Variants in GALNT9 observed in about 807,000 individuals in gnomAD.
GALNT9 encodes the protein GalNAc transferase 9.
GALNT9 carries 47 observed loss-of-function variants against 63.1 expected under a neutral mutation model. The ratio of observed to expected loss-of-function variants is 0.75; its 90% CI spans 0.59 to 0.95. The LOEUF is 0.95. Ranked by LOEUF, GALNT9 falls within the 40% of genes least tolerant of loss-of-function variation. The probability of loss-of-function intolerance (pLI) is 0.00; values close to 1 mark genes in which losing one functional copy is unlikely to be tolerated. For missense variants in GALNT9, 829 were observed against 874.8 expected (o/e 0.95, Z 0.66); for synonymous variants, 396 against 365.7 (o/e 1.08, Z -0.94).
At chr12:132,204,383 C>G (rs532933368) in intron 6 of GALNT9, among the ~76,000 whole-genome samples, 1 of 152,236 alleles carries the variant, frequency 6.6e-6, no homozygotes, top group East Asian at 1.9e-4. Flanking sequence ...GAACAGGGTG[C>G]TGGGACGTTT....
At chr12:132,237,876 G>T (rs1484791414) in intron 6 of GALNT9, among the ~76,000 whole-genome samples, 1 of 152,186 alleles carries the variant, frequency 6.6e-6, no homozygotes, top group Non-Finnish European at 1.5e-5. Flanking sequence ...TCCATCTGTG[G>T]CATGTGACCC....
At chr12:132,240,764 T>C (rs2136899436) in intron 6 of GALNT9, 1 of 455,322 alleles carries the variant, frequency 2.2e-6, no homozygotes, top group Admixed American at 2.4e-5. Flanking sequence ...CCAGCAGAAT[T>C]GGAATGTGCA....
rs1555243214 is a variant in GALNT9 at position 132,296,088 on chromosome 12, C to CG, written c.239-9659dup. Among the ~76,000 whole-genome samples, 4 of 143,636 alleles carry CG rather than the reference C, an allele frequency of 2.8e-5. No individual in the cohort carries two copies. The highest frequency in any genetic ancestry group is 5.3e-5 in the African/African-American group (2 of 38,008). The allele number at this position is 143,636 out of a possible 152,430, so 94.2% of individuals were successfully genotyped here. A position where few individuals can be genotyped will look rare whatever the true frequency, so the allele number is the denominator to read the frequency against. ...GAGGCTCCGGAACAGGGAGAGCCTC[C>CG]GAACAGGGAGAGCCTCCGAACAGGG... On this transcript the variant is annotated intron_variant, in intron 1 of 10. Coordinates refer to ENST00000328957, the MANE Select transcript of GALNT9 (RefSeq NM_001122636.2). The surrounding 1 kb of genome is among the most constrained non-coding windows in gnomAD (Gnocchi z 4.2).
intron 1 of GALNT9, 91 bp downstream of exon 1, chr12:132,328,875 G>A (rs2135596493): frequency 1.5e-6 from 2 of 1,356,478 alleles, no homozygotes; most frequent in East Asian, 2.8e-5. Context: ...GCAGAGGGGC[G>A]CGCACCCGAG....
rs751688056 is a variant in GALNT9 at position 132,197,097 on chromosome 12, G to A, written c.*10C>T. 24 of 1,613,510 alleles carry A rather than the reference G, an allele frequency of 1.5e-5. No homozygotes were observed. The highest frequency in any genetic ancestry group is 1.7e-4 in the Middle Eastern group (1 of 6,040). On this transcript the variant is annotated 3_prime_UTR_variant, in exon 11 of 11. Transcript: ENST00000328957. The stretch of plus-strand genomic sequence containing the variant: ...TCCCGAGGTCTGTGGGGGTCCGGGC[G>A]GAGGTGGGGTCAGTGCCGTGCGTGT...
chr12:132,262,729 G>A (rs548796182), intron 2 of GALNT9, 104 bp from the exon 3 acceptor site: 2 of 1,449,100 alleles, frequency 1.4e-6, no homozygotes, highest in Non-Finnish European at 1.8e-6. Flanking sequence ...TTGGGGTGCG[G>A]TCAGGGCGCA....
In GALNT9 at chr12:132,316,234, GC is replaced by G. The variant is rs781971258; in HGVS notation, c.238+12731del. Among the ~76,000 whole-genome samples the G allele has an allele frequency of 1.1e-4, 17 of 151,990 alleles. No individual in the cohort carries two copies. Among genetic ancestry groups the G allele is most frequent in the Non-Finnish European group, 1.9e-4 (13 of 68,006 alleles). ...TGAAGCTGGATCACAGTCAGTGCCT[GC>G]CCCGGGCCCCGACCTGCAAAGGGGG... is the stretch of plus-strand genomic sequence containing the variant. On this transcript the variant is annotated intron_variant, in intron 1 of 10. Transcript: ENST00000328957. This position sits in a 1 kb window ranked among gnomAD's most constrained non-coding sequence, Gnocchi z 4.3.
intron 1 of GALNT9, among the ~76,000 whole-genome samples, chr12:132,307,055 C>T (rs1376134936): frequency 6.6e-6 from 1 of 151,954 alleles, no homozygotes; most frequent in Non-Finnish European, 1.5e-5. Context: ...GTGCCCGCTT[C>T]CCAGCCACCT....
intron 6 of GALNT9, among the ~76,000 whole-genome samples, chr12:132,215,672 C>A (rs903506737): frequency 2.6e-5 from 4 of 152,236 alleles, no homozygotes; most frequent in African/African-American, 9.6e-5. Flanking sequence ...ACATGCCAAC[C>A]AGCACCCGGG....
At chr12:132,240,993 T>C (rs1878292862) in intron 6 of GALNT9, among the ~76,000 whole-genome samples, 1 of 139,186 alleles carries the variant, frequency 7.2e-6, no homozygotes, top group Admixed American at 7.1e-5. Context: ...CCACACCCCC[T>C]TCCCGGGGCC....
At chr12:132,222,430 A>G (rs1444955343) in intron 6 of GALNT9, among the ~76,000 whole-genome samples, 1 of 152,094 alleles carries the variant, frequency 6.6e-6, no homozygotes, top group Admixed American at 6.6e-5. Context: ...AAGTAGATAC[A>G]GTTCACAGTT....
intron 5 of GALNT9, among the ~76,000 whole-genome samples, chr12:132,256,218 T>C (rs1879103843): frequency 6.6e-6 from 1 of 152,108 alleles, no homozygotes; most frequent in African/African-American, 2.4e-5. Context: ...CCCTTCCCTG[T>C]GAGCCCCGAC....
chr12:132,204,238 T>C (rs1283739718), intron 6 of GALNT9, among the ~76,000 whole-genome samples: 1 of 152,190 alleles, frequency 6.6e-6, no homozygotes, highest in Non-Finnish European at 1.5e-5. Flanking sequence ...TGTTTGTCAC[T>C]GCGTATCCTT....
At chr12:132,325,111 G>T (rs1465528807) in intron 1 of GALNT9, among the ~76,000 whole-genome samples, 1 of 152,206 alleles carries the variant, frequency 6.6e-6, no homozygotes, top group Non-Finnish European at 1.5e-5. Flanking sequence ...ATGTGGCCCC[G>T]GCTCAGGCCT....
intron 1 of GALNT9, among the ~76,000 whole-genome samples, chr12:132,320,260 G>A (rs28731106): frequency 0.39 from 59,466 of 152,102 alleles, 11,737 homozygotes; most frequent in East Asian, 0.52. Context: ...CAGAACGCCC[G>A]GGGAGGGTGC....
At position 132,262,577 on chromosome 12, in the gene GALNT9, G is replaced by T. The variant is rs546407071; in HGVS notation, c.468C>A (p.Val156=). ...YAQDLPQVSV[V]FIFVNEALSV... is the part of the protein sequence containing the mutation. ...ACAGCGCCTCATTGACGAAGATGAA[G>T]ACCACGGAGACCTGGGGCAGGTCCT... The change falls in exon 3 of 11, where the codon GTC becomes GTA. Residue 156 remains valine (V), a synonymous_variant. Transcript: ENST00000328957. 6.4e-7 allele frequency: 1 copy of T among 1,551,470 alleles called. No homozygotes were observed. Among genetic ancestry groups the T allele is most frequent in the Non-Finnish European group, 8.7e-7 (1 of 1,146,880 alleles).
intron 1 of GALNT9, among the ~76,000 whole-genome samples, chr12:132,301,638 A>T (rs1881300839): frequency 6.6e-6 from 1 of 152,258 alleles, no homozygotes; most frequent in Non-Finnish European, 1.5e-5. Context: ...CCATGTGGAC[A>T]CATTCAGGTT....
intron 6 of GALNT9, among the ~76,000 whole-genome samples, chr12:132,239,291 GAGAC>G (rs1878121786): frequency 7.0e-6 from 1 of 143,490 alleles, no homozygotes; most frequent in African/African-American, 2.7e-5. Context: ...GAGACACAGA[GAGAC>G]AGAGAGAGAC....
At position 132,201,206 on chromosome 12, in the gene GALNT9, A is replaced by C; in HGVS notation, c.1319T>G (p.Leu440Arg). 6.2e-7 allele frequency: 1 copy of C among 1,612,922 alleles called. No homozygotes were observed. Among genetic ancestry groups the C allele is most frequent in the Non-Finnish European group, 8.5e-7 (1 of 1,179,094 alleles). The change falls in exon 8 of 11, where the codon CTG (leucine) becomes CGG (arginine). Residue 440 changes from leucine to arginine, a missense_variant. Leu to Arg is a moderately radical substitution (Grantham distance 102, BLOSUM62 -2). Coordinates refer to ENST00000328957, the MANE Select transcript of GALNT9 (RefSeq NM_001122636.2). ...VSERLALRQRLKCRSFKWYLE... is the reference protein window; with the variant it reads ...VSERLALRQRRKCRSFKWYLE... ...GTACCACTTGAAGCTGCGACACTTC[A>C]GCCTCTGACGCAGGGCCAGCCTCTC...
Sources: allele counts gnomAD v4.1 joint callset (sites outside exome capture counted in the v4.1 genomes callset), GRCh38; gene constraint gnomAD v4.1.1; non-coding constraint Gnocchi (gnomAD v3.1); transcripts MANE v1.5; gene names NCBI Gene and HGNC (gene_info 2026-07-23, HGNC 2026-07-21).